The following USH2A variants were observed in gnomAD, a reference collection of about 807,000 sequenced individuals.
USH2A encodes the protein usherin, also known as Usher syndrome 2A (autosomal recessive, mild).
A neutral mutation model predicts 538.9 loss-of-function variants in USH2A; 443 were observed. The ratio of observed to expected loss-of-function variants is 0.82; its 90% CI spans 0.76 to 0.89. The LOEUF is 0.89. Ranked by LOEUF, USH2A falls within the 40% of genes least tolerant of loss-of-function variation. The pLI is 0.00. For missense variants in USH2A, 6,633 were observed against 6,324.8 expected, an observed-to-expected ratio of 1.05 and a Z score of -1.65; for synonymous variants, 2,413 against 2,273.5, an observed-to-expected ratio of 1.06 and a Z score of -1.75.
At chr1:215,841,672 A>T (rs1162116673) in intron 46 of USH2A, among the ~76,000 whole-genome samples, 1 of 152,236 alleles carries the variant, frequency 6.6e-6, no homozygotes, top group Non-Finnish European at 1.5e-5. Context: ...AAACAATTGC[A>T]ACAAAAGCAA....
chr1:215,971,831 T>A (rs941404772), intron 35 of USH2A, among the ~76,000 whole-genome samples: 1 of 152,154 alleles, frequency 6.6e-6, no homozygotes, highest in African/African-American at 2.4e-5. Context: ...AGTTTAGTTT[T>A]TTTATGTTGA....
rs141366961 is a variant in USH2A, at chr1:216,196,679, C to T, written c.4125G>A (p.Ser1375=). 28 of 1,613,014 alleles carry T rather than the reference C, an allele frequency of 1.7e-5. No homozygotes were observed. Among genetic ancestry groups the T allele is most frequent in the Middle Eastern group, 3.3e-4 (2 of 6,076 alleles). ...MIPPSVFPLS[S]YSLNISWEKP... The stretch of plus-strand genomic sequence containing the variant: ...TCTCCCAGGAGATATTGAGAGAGTA[C>T]GAAGAGAGGGGAAAGACTGAAGGAG... Residue 1375 remains serine (S), a synonymous_variant, in exon 19 of 72, where the codon TCG becomes TCA. Coordinates refer to ENST00000307340, the MANE Select transcript of USH2A (RefSeq NM_206933.4).
intron 70 of USH2A, among the ~76,000 whole-genome samples, chr1:215,631,554 A>G (rs538540637): frequency 6.6e-6 from 1 of 152,344 alleles, no homozygotes; most frequent in South Asian, 2.1e-4. Flanking sequence ...TTGCAAATAC[A>G]CTGTCAACTG....
intron 69 of USH2A, 101 bp downstream of exon 69, chr1:215,639,054 A>C (rs1192302693): frequency 2.7e-6 from 3 of 1,131,626 alleles, no homozygotes; most frequent in Non-Finnish European, 4.0e-6. Flanking sequence ...TGTATAGTCT[A>C]TGCTAATATA....
rs186445335 is a variant in USH2A, at chr1:215,744,984, A to G, written c.11390-1649T>C. Among the ~76,000 whole-genome samples, 23 of 152,306 alleles carry G rather than the reference A, an allele frequency of 1.5e-4. No individual in the cohort carries two copies. In the East Asian group the frequency reaches 4.1e-3, roughly 27 times the overall value. On this transcript the variant is annotated intron_variant, in intron 58 of 71. Transcript: ENST00000307340. ...CCGGTATTACAGCTTTGTATTTTCA[A>G]CAGCCTGCTAGGTATTTCTACATGG...
At chr1:216,048,395 C>A (rs2030610932) in intron 31 of USH2A, 139 bp downstream of exon 31, 1 of 831,960 alleles carries the variant, frequency 1.2e-6, no homozygotes, top group Non-Finnish European at 2.0e-6. Flanking sequence ...AAAAATGGAG[C>A]AATTATGGCC....
At chr1:215,693,240 CA>C (rs1299489144) in intron 61 of USH2A, among the ~76,000 whole-genome samples, 1 of 151,778 alleles carries the variant, frequency 6.6e-6, no homozygotes, top group Non-Finnish European at 1.5e-5. Context: ...CTTGGCCTCC[CA>C]AATTGTTGGG....
intron 21 of USH2A, among the ~76,000 whole-genome samples, chr1:216,163,236 G>A (rs2034097604): frequency 6.6e-6 from 1 of 151,786 alleles, no homozygotes; most frequent in Non-Finnish European, 1.5e-5. Flanking sequence ...TATCTACTGA[G>A]TTGCTAACTT....
chr1:215,634,436 G>T (rs1298101151), intron 70 of USH2A, 23 bp downstream of exon 70: 5 of 1,614,124 alleles, frequency 3.1e-6, no homozygotes, highest in Non-Finnish European at 4.2e-6. Context: ...TAGGGAAATG[G>T]GGCCACACCT....
At chr1:216,231,271 T>TTATATATATAATATATATATAA in intron 14 of USH2A, among the ~76,000 whole-genome samples, 1 of 113,328 alleles carries the variant, frequency 8.8e-6, no homozygotes, top group Non-Finnish European at 1.8e-5. Flanking sequence ...TATATATATA[T>TTATATATATAATATATATATAA]AATATATATA....
In USH2A at chr1:215,730,688, A is replaced by C. The variant is rs145035388; in HGVS notation, c.11712-2304T>G. ...TGGCTTTGGGAATCTGATGATCCTT[A>C]AGTTGATAAATCACGATGACCTAAG... On this transcript the variant is annotated intron_variant, in intron 60 of 71. Coordinates refer to ENST00000307340, the MANE Select transcript of USH2A (RefSeq NM_206933.4). 2.4e-3 allele frequency among the ~76,000 whole-genome samples: 363 copies of C among 152,332 alleles called. 1 individual carries two copies. Among genetic ancestry groups the C allele is most frequent in the African/African-American group, 8.4e-3 (350 of 41,570 alleles).
intron 21 of USH2A, among the ~76,000 whole-genome samples, chr1:216,131,776 A>T (rs757150125): frequency 3.3e-5 from 5 of 151,996 alleles, no homozygotes; most frequent in Non-Finnish European, 5.9e-5. Flanking sequence ...TCTTATTGCT[A>T]CTTCTTTTCT....
intron 38 of USH2A, among the ~76,000 whole-genome samples, chr1:215,925,426 T>A (rs966180188): frequency 6.6e-6 from 1 of 152,194 alleles, no homozygotes; most frequent in African/African-American, 2.4e-5. Context: ...TTGGAAGATA[T>A]ACACAGAAGT....
At chr1:216,410,311 A>C (rs192841072) in intron 3 of USH2A, among the ~76,000 whole-genome samples, 1 of 152,248 alleles carries the variant, frequency 6.6e-6, no homozygotes, top group East Asian at 1.9e-4. Flanking sequence ...AAGACCAAAA[A>C]AAACAGAACT....
At chr1:216,020,669 C>T (rs1051966242) in intron 32 of USH2A, among the ~76,000 whole-genome samples, 5 of 152,080 alleles carry the variant, frequency 3.3e-5, no homozygotes, top group Admixed American at 6.6e-5. Context: ...TGATTAGAAG[C>T]TTGGAACTTT....
chr1:215,980,315 G>A (rs548764021), intron 35 of USH2A, among the ~76,000 whole-genome samples: 1 of 152,138 alleles, frequency 6.6e-6, no homozygotes, highest in Non-Finnish European at 1.5e-5. Flanking sequence ...AACTTGGCCA[G>A]TGTTATACAG....
intron 64 of USH2A, among the ~76,000 whole-genome samples, chr1:215,666,889 A>T (rs1657620681): frequency 6.6e-6 from 1 of 152,106 alleles, no homozygotes; most frequent in East Asian, 1.9e-4. Context: ...CAGGAGATTG[A>T]GACCATCCTG....
chr1:215,776,780 A>T (rs1661480945), intron 55 of USH2A, among the ~76,000 whole-genome samples: 1 of 152,190 alleles, frequency 6.6e-6, no homozygotes, highest in Admixed American at 6.5e-5. Flanking sequence ...CACACCATAA[A>T]ATACTTCAGT....
rs149506333 is a variant in USH2A, at chr1:215,629,027, G to A, written c.15306C>T (p.Ala5102=). The stretch of plus-strand genomic sequence containing the variant: ...TCCCAGACCGGGGAATTTTGGTATC[G>A]GCTAACCCCTGAGAAGGAAGTTGCT... ...YPPGENHMGL[A]DTKIPRSGTP... The change falls in exon 71 of 72, where the codon GCC becomes GCT. Residue 5102 remains alanine (A), a synonymous_variant. Coordinates refer to ENST00000307340, the MANE Select transcript of USH2A (RefSeq NM_206933.4). 182 of 1,612,748 alleles carry A rather than the reference G, an allele frequency of 1.1e-4. No individual in the cohort carries two copies. The highest frequency in any genetic ancestry group is 2.0e-4 in the Middle Eastern group (1 of 5,086).
Sources: allele counts gnomAD v4.1 joint callset (sites outside exome capture counted in the v4.1 genomes callset), GRCh38; gene constraint gnomAD v4.1.1; transcripts MANE v1.5; gene names NCBI Gene and HGNC (gene_info 2026-07-23, HGNC 2026-07-21).